NLRP4: variants seen among roughly 807,000 people sequenced by gnomAD.
The protein encoded by NLRP4 is NACHT, LRR and PYD domains-containing protein 4.
Under a neutral mutation model 84.7 loss-of-function variants are expected in NLRP4, and 44 were observed. That is an observed-to-expected ratio of 0.52 (90% confidence interval 0.41 to 0.67). NLRP4 has a LOEUF of 0.67. Among genes scored for constraint, NLRP4 ranks in the 30% least tolerant of loss-of-function variants. The probability of loss-of-function intolerance (pLI) is 0.00; values close to 1 mark genes in which losing one functional copy is unlikely to be tolerated. For missense variants in NLRP4, 1,260 were observed against 1,219.4 expected (o/e 1.03, Z -0.50); for synonymous variants, 544 against 476.4 (o/e 1.14, Z -1.85).
At chr19:55,868,821 G>T (rs1985062788) in intron 6 of NLRP4, among the ~76,000 whole-genome samples, 1 of 152,098 alleles carries the variant, frequency 6.6e-6, no homozygotes, top group Non-Finnish European at 1.5e-5. Context: ...GGGAGATAGG[G>T]GAGGATGGAG....
intron 1 of NLRP4, among the ~76,000 whole-genome samples, chr19:55,850,788 C>CCCGAGGCTGCGGTGTAATGT (rs1984079519): frequency 1.7e-4 from 8 of 47,556 alleles, no homozygotes; most frequent in Non-Finnish European, 2.2e-4. Context: ...CGGTGTAATT[C>CCCGAGGCTGCGGTGTAATGT]CCGAGGCTGC....
At chr19:55,842,212 C>A (rs1327418405) in intron 1 of NLRP4, among the ~76,000 whole-genome samples, 2 of 152,156 alleles carry the variant, frequency 1.3e-5, no homozygotes, top group Non-Finnish European at 2.9e-5. Context: ...CTTTAAAGAG[C>A]AAGTATTTGG....
intron 1 of NLRP4, among the ~76,000 whole-genome samples, chr19:55,849,863 A>C (rs996856739): frequency 7.2e-6 from 1 of 138,702 alleles, no homozygotes; most frequent in African/African-American, 2.9e-5. Context: ...ACTGCGGTGT[A>C]ATTTCCGTGG....
chr19:55,850,279 G>A (rs1243501118), intron 1 of NLRP4, among the ~76,000 whole-genome samples: 8 of 121,294 alleles, frequency 6.6e-5, no homozygotes, highest in Admixed American at 8.0e-5. Context: ...CCGAGGCTGC[G>A]GTGTAATGTC....
rs538730208 is a variant in NLRP4, at chr19:55,841,581, G to T, written c.-66+4647G>T. Among the ~76,000 whole-genome samples the T allele has an allele frequency of 3.9e-5, 6 of 152,232 alleles. No individual in the cohort carries two copies. The East Asian group carries it at 1.2e-3, about 29-fold the overall frequency. ...CTTGGTTATTAGTAATAGTGCTGCAGGCCGGGTGCGGTGGCTCATGCCTGT... is the reference window on the plus strand; with the variant it reads ...CTTGGTTATTAGTAATAGTGCTGCATGCCGGGTGCGGTGGCTCATGCCTGT... On this transcript the variant is annotated intron_variant, in intron 1 of 9. Transcript: ENST00000301295.
intron 5 of NLRP4, among the ~76,000 whole-genome samples, chr19:55,864,027 C>A (rs900715543): frequency 6.6e-6 from 1 of 152,102 alleles, no homozygotes. Context: ...ATTGTGATAT[C>A]CACATACCAC....
intron 5 of NLRP4, 40 bp from the exon 6 acceptor site, chr19:55,867,669 C>A: frequency 1.9e-6 from 3 of 1,583,250 alleles, no homozygotes; most frequent in Non-Finnish European, 2.6e-6. Context: ...AGTCCAGGAA[C>A]TAGAAACCAA....
intron 4 of NLRP4, 96 bp downstream of exon 4, chr19:55,861,643 A>G (rs935360693): frequency 2.4e-5 from 28 of 1,162,718 alleles, no homozygotes; most frequent in Non-Finnish European, 3.1e-5. Context: ...ACAAGCAAAG[A>G]ATTAACATCC....
intron 5 of NLRP4, among the ~76,000 whole-genome samples, chr19:55,863,825 A>G (rs1024083588): frequency 6.6e-6 from 1 of 152,156 alleles, no homozygotes; most frequent in Non-Finnish European, 1.5e-5. Context: ...TCCAGTATGT[A>G]TGTTTTAATT....
At chr19:55,867,214 C>G (rs1984990422) in intron 5 of NLRP4, among the ~76,000 whole-genome samples, 1 of 149,726 alleles carries the variant, frequency 6.7e-6, no homozygotes, top group African/African-American at 2.5e-5. Flanking sequence ...TTGGCTGTCT[C>G]TGTACCCCGG....
Position 55,871,003 on chromosome 19 carries a change from CT to C in NLRP4, c.2525+11del, listed in dbSNP as rs778367265. On this transcript the variant is annotated splice_region_variant and intron_variant, in intron 7 of 9. Coordinates refer to ENST00000301295, the MANE Select transcript of NLRP4 (RefSeq NM_134444.5). Reference sequence around the variant, plus strand: ...TGCTGCCTGGATTCACTGTGGTAGGCTTTTTGCTGTTTCTTTGAAGACCAAG... The same window carrying C: ...TGCTGCCTGGATTCACTGTGGTAGGCTTTTGCTGTTTCTTTGAAGACCAAG... The C allele has an allele frequency of 5.6e-6, 9 of 1,612,356 alleles. No individual in the cohort carries two copies. The highest frequency in any genetic ancestry group is 7.6e-6 in the Non-Finnish European group (9 of 1,178,734).
chr19:55,848,275 T>A (rs1983874619), intron 1 of NLRP4, among the ~76,000 whole-genome samples: 1 of 152,114 alleles, frequency 6.6e-6, no homozygotes. Context: ...TCATATCATA[T>A]GCTACCACTT....
intron 5 of NLRP4, among the ~76,000 whole-genome samples, chr19:55,863,757 T>G (rs910911642): frequency 1.3e-5 from 2 of 152,208 alleles, no homozygotes; most frequent in African/African-American, 4.8e-5. Context: ...TACTGGTAAC[T>G]CAAGTGCCTT....
chr19:55,870,993 C>A lies in NLRP4; in HGVS notation c.2521C>A (p.Leu841Met), dbSNP rs1985158660. The A allele has an allele frequency of 6.2e-7, 1 of 1,613,516 alleles. No individual in the cohort carries two copies. The highest frequency in any genetic ancestry group is 8.5e-7 in the Non-Finnish European group (1 of 1,179,486). Reference protein sequence around the residue: ...LKHPDCCLDSLCLVKCFITAA... With the variant: ...LKHPDCCLDSMCLVKCFITAA... The stretch of plus-strand genomic sequence containing the variant: ...ACATCCGGACTGCTGCCTGGATTCA[C>A]TGTGGTAGGCTTTTTGCTGTTTCTT... The change falls in exon 7 of 10, where the codon CTG (leucine) becomes ATG (methionine). Residue 841 changes from leucine to methionine, a missense_variant. By Grantham distance (15) the Leu-to-Met change is conservative (BLOSUM62 2). Transcript: ENST00000301295.
At chr19:55,840,202 C>T (rs1401694075) in intron 1 of NLRP4, among the ~76,000 whole-genome samples, 1 of 151,846 alleles carries the variant, frequency 6.6e-6, no homozygotes, top group African/African-American at 2.4e-5. Flanking sequence ...GTTTTTAAGC[C>T]CTTTATTTTC....
intron 1 of NLRP4, among the ~76,000 whole-genome samples, chr19:55,839,337 A>G (rs1983517129): frequency 7.4e-6 from 1 of 135,128 alleles, no homozygotes; most frequent in Admixed American, 7.4e-5. Flanking sequence ...TCACACACAT[A>G]TACACACATG....
At chr19:55,859,945 A>AC (rs1984668412) in intron 3 of NLRP4, among the ~76,000 whole-genome samples, 1 of 124,392 alleles carries the variant, frequency 8.0e-6, no homozygotes, top group East Asian at 2.1e-4. Context: ...AAAAAAAAAA[A>AC]AAAAAAACAA....
At chr19:55,851,880 T>G in intron 1 of NLRP4, 136 bp from the exon 2 acceptor site, 3 of 535,656 alleles carry the variant, frequency 5.6e-6, no homozygotes, top group South Asian at 5.1e-5. Context: ...ACCATTTGAA[T>G]GAGAAGGTGA....
intron 1 of NLRP4, among the ~76,000 whole-genome samples, chr19:55,851,452 T>TGCGGTGTAATGTCCGA (rs1984134991): frequency 1.0e-4 from 2 of 19,284 alleles, no homozygotes; most frequent in Admixed American, 5.4e-4. Flanking sequence ...GTAATGTCCG[T>TGCGGTGTAATGTCCGA]GGCTGCGGTG....
Sources: gnomAD v4.1 joint callset for allele counts (sites outside exome capture counted in the v4.1 genomes callset) on GRCh38, gnomAD v4.1.1 for gene constraint, MANE v1.5 for transcripts, NCBI Gene and HGNC (gene_info 2026-07-23, HGNC 2026-07-21) for gene names.